The following ATP7B variants were observed in gnomAD, a reference collection of about 807,000 sequenced individuals.
ATP7B encodes the protein copper-transporting ATPase 2.
In ATP7B, 113 loss-of-function variants were observed where a neutral mutation model predicts 118.9. The ratio of observed to expected loss-of-function variants is 0.95; its 90% CI spans 0.82 to 1.11. ATP7B has a LOEUF of 1.11. ATP7B is among the 50% of genes most tolerant of loss of function. The probability of loss-of-function intolerance (pLI) is 0.00; values close to 1 mark genes in which losing one functional copy is unlikely to be tolerated. For synonymous variants in ATP7B, 777 were observed against 727.4 expected (o/e 1.07, Z -1.10); for missense variants, 1,867 against 1,871.4 (o/e 1.00, Z 0.04).
chr13:51,989,005 T>C (rs755790316), intron 1 of ATP7B, among the ~76,000 whole-genome samples: 16 of 152,124 alleles, frequency 1.1e-4, no homozygotes, highest in African/African-American at 1.7e-4. Flanking sequence ...TGTATATCTA[T>C]GTAACAAACC....
At chr13:51,980,916 T>C (rs1952381825) in intron 1 of ATP7B, among the ~76,000 whole-genome samples, 1 of 152,234 alleles carries the variant, frequency 6.6e-6, no homozygotes, top group Non-Finnish European at 1.5e-5. Context: ...TTAACACATC[T>C]GAACTTTCAT....
Position 51,949,300 on chromosome 13 carries a change from T to C in ATP7B, c.2865+362A>G, listed in dbSNP as rs149043247. Among the ~76,000 whole-genome samples the C allele has an allele frequency of 2.2e-3, 339 of 152,312 alleles. 3 individuals carry two copies. Among genetic ancestry groups the C allele is most frequent in the African/African-American group, 7.7e-3 (322 of 41,566 alleles). On this transcript the variant is annotated intron_variant, in intron 12 of 20. Coordinates refer to ENST00000242839, the MANE Select transcript of ATP7B (RefSeq NM_000053.4). Reference sequence around the variant, plus strand: ...AAAAGATATTTTTCTTAAAATGTATTAAATAATATTATCATGCCATTGAGA... The same window carrying C: ...AAAAGATATTTTTCTTAAAATGTATCAAATAATATTATCATGCCATTGAGA...
intron 9 of ATP7B, among the ~76,000 whole-genome samples, chr13:51,951,426 A>T (rs1957999016): frequency 6.6e-6 from 1 of 152,132 alleles, no homozygotes; most frequent in Non-Finnish European, 1.5e-5. Flanking sequence ...CGGGTTTGAG[A>T]TGCCTATTTG....
chr13:51,993,628 T>A (rs1345150829), intron 1 of ATP7B, among the ~76,000 whole-genome samples: 1 of 152,196 alleles, frequency 6.6e-6, no homozygotes, highest in Non-Finnish European at 1.5e-5. Flanking sequence ...TCAGATAGAT[T>A]ACTGGGTTAT....
At chr13:51,989,774 T>C (rs1396831055) in intron 1 of ATP7B, among the ~76,000 whole-genome samples, 4 of 152,236 alleles carry the variant, frequency 2.6e-5, no homozygotes, top group Non-Finnish European at 5.9e-5. Context: ...TTTATGTCTA[T>C]TGTAACAATT....
chr13:51,941,623 T>C (rs1957340263), intron 15 of ATP7B, among the ~76,000 whole-genome samples: 3 of 152,278 alleles, frequency 2.0e-5, no homozygotes, highest in East Asian at 1.9e-4. Context: ...CCCAGGTGAA[T>C]CAACAAATAA....
chr13:51,995,735 G>A (rs1172919253), intron 1 of ATP7B, among the ~76,000 whole-genome samples: 1 of 152,168 alleles, frequency 6.6e-6, no homozygotes, highest in Non-Finnish European at 1.5e-5. Context: ...GCAAGCTTTG[G>A]GAACTTGGGC....
At chr13:51,966,096 A>G (rs1478968347) in intron 4 of ATP7B, among the ~76,000 whole-genome samples, 3 of 152,242 alleles carry the variant, frequency 2.0e-5, no homozygotes, top group South Asian at 4.1e-4. Flanking sequence ...AAATATTTCA[A>G]TGGTACTTCT....
At chr13:51,975,890 T>C (rs1952093500) in intron 1 of ATP7B, among the ~76,000 whole-genome samples, 1 of 152,128 alleles carries the variant, frequency 6.6e-6, no homozygotes, top group Non-Finnish European at 1.5e-5. Context: ...GAAAGTTGAG[T>C]TTCACAAGGA....
intron 1 of ATP7B, among the ~76,000 whole-genome samples, chr13:51,977,682 G>A (rs1236937654): frequency 1.3e-5 from 2 of 152,212 alleles, no homozygotes; most frequent in Admixed American, 1.3e-4. Context: ...CGAGTATTAT[G>A]TACTGTACAG....
At chr13:51,987,591 G>A (rs932132333) in intron 1 of ATP7B, among the ~76,000 whole-genome samples, 1 of 152,166 alleles carries the variant, frequency 6.6e-6, no homozygotes, top group Non-Finnish European at 1.5e-5. Context: ...CCAAAAAAGA[G>A]CCCAGATAGC....
intron 12 of ATP7B, chr13:51,947,858 G>C (rs917716390): frequency 6.6e-6 from 1 of 152,142 alleles, no homozygotes; most frequent in African/African-American, 2.4e-5. Flanking sequence ...TACCTCATTT[G>C]CCAGCATCCT....
chr13:51,986,371 G>T (rs935008335), intron 1 of ATP7B, among the ~76,000 whole-genome samples: 1 of 152,178 alleles, frequency 6.6e-6, no homozygotes, highest in Admixed American at 6.5e-5. Flanking sequence ...CTAGGAAGAA[G>T]TCGAATCCCT....
At position 51,942,430 on chromosome 13, in the gene ATP7B, G is replaced by A. The variant is rs146623472; in HGVS notation, c.3368C>T (p.Pro1123Leu). 489 of 1,614,214 alleles carry A rather than the reference G, an allele frequency of 3.0e-4. 2 individuals carry two copies. Among genetic ancestry groups the A allele is most frequent in the Non-Finnish European group, 3.7e-4 (440 of 1,180,056 alleles). ...LAHSERPLSA[P>L]ASHLNEAGSL... ...GCCAGCCTCATTCAGGTGACTGGCC[G>A]GTGCACTCAAAGGGCGCTCACTGTG... The change falls in exon 15 of 21, where the codon CCG becomes CTG. Residue 1123 changes from proline to leucine, a missense_variant. Transcript: ENST00000242839.
chr13:51,992,979 C>CAAAAAAAAAAAA (rs58319382), intron 1 of ATP7B, among the ~76,000 whole-genome samples: 2 of 62,944 alleles, frequency 3.2e-5, no homozygotes, highest in African/African-American at 7.4e-5. Context: ...GACTCTGTCT[C>CAAAAAAAAAAAA]AAAAAAAAAA....
intron 13 of ATP7B, among the ~76,000 whole-genome samples, chr13:51,946,033 T>A (rs1337357336): frequency 6.6e-6 from 1 of 152,132 alleles, no homozygotes; most frequent in East Asian, 1.9e-4. Flanking sequence ...ATCTGTAAAA[T>A]GGGAATGATA....
At chr13:51,939,941 T>C (rs73498151) in intron 16 of ATP7B, among the ~76,000 whole-genome samples, 1,893 of 149,400 alleles carry the variant, frequency 0.013, 46 homozygotes, top group African/African-American at 0.044. Context: ...AAGTAAAGAC[T>C]CTAATCTCTC....
chr13:51,946,164 CT>C, intron 13 of ATP7B, 119 bp downstream of exon 13: 1 of 1,352,506 alleles, frequency 7.4e-7, no homozygotes, highest in South Asian at 1.4e-5. Context: ...ACTTGACTTC[CT>C]ATTCTATGTA....
intron 1 of ATP7B, among the ~76,000 whole-genome samples, chr13:51,976,675 G>A (rs1254297601): frequency 6.6e-6 from 1 of 152,168 alleles, no homozygotes; most frequent in African/African-American, 2.4e-5. Flanking sequence ...GTATGGTGTA[G>A]CCTGTTGCTC....
Sources: gnomAD v4.1 joint callset for allele counts (sites outside exome capture counted in the v4.1 genomes callset) on GRCh38, gnomAD v4.1.1 for gene constraint, MANE v1.5 for transcripts, NCBI Gene and HGNC (gene_info 2026-07-23, HGNC 2026-07-21) for gene names.